PALM2AKAP2: variants seen among roughly 807,000 people sequenced by gnomAD.
PALM2AKAP2 encodes PALM2-AKAP2 fusion protein.
In PALM2AKAP2, 37 loss-of-function variants were observed where a neutral mutation model predicts 71.5. The observed-to-expected ratio is 0.52, with a 90% CI of 0.40 to 0.68. PALM2AKAP2 has a LOEUF of 0.68. Ranked by LOEUF, PALM2AKAP2 falls within the 30% of genes least tolerant of loss-of-function variation. The probability of loss-of-function intolerance (pLI) is 0.00; values close to 1 mark genes in which losing one functional copy is unlikely to be tolerated. For synonymous variants in PALM2AKAP2, 468 were observed against 478.8 expected, an observed-to-expected ratio of 0.98 and a Z score of 0.29; for missense variants, 1,224 against 1,191.8, an observed-to-expected ratio of 1.03 and a Z score of -0.40.
At chr9:109,851,819 G>A (rs148852171) in intron 1 of PALM2AKAP2, among the ~76,000 whole-genome samples, 113 of 152,228 alleles carry the variant, frequency 7.4e-4, no homozygotes, top group African/African-American at 2.2e-3. Context: ...AGTCATTGTC[G>A]GTTTGCTAAC....
intron 1 of PALM2AKAP2, among the ~76,000 whole-genome samples, chr9:109,672,955 T>C (rs1827596589): frequency 6.6e-6 from 1 of 152,120 alleles, no homozygotes; most frequent in Admixed American, 6.5e-5. Flanking sequence ...GATATCCTCC[T>C]TGGTGTTTCT....
chr9:110,040,279 A>G (rs1272912254), intron 7 of PALM2AKAP2, among the ~76,000 whole-genome samples: 1 of 152,224 alleles, frequency 6.6e-6, no homozygotes. Context: ...TTAACACCTT[A>G]TAATCGTAAT....
chr9:110,026,924 T>C (rs1345531996), intron 7 of PALM2AKAP2, among the ~76,000 whole-genome samples: 2 of 152,054 alleles, frequency 1.3e-5, no homozygotes. Flanking sequence ...ACACCTGTAA[T>C]CTCAGCCACT....
intron 1 of PALM2AKAP2, among the ~76,000 whole-genome samples, chr9:109,738,756 G>T (rs147387576): frequency 1.3e-3 from 194 of 152,250 alleles, no homozygotes; most frequent in African/African-American, 2.2e-3. Context: ...TAAATAATTT[G>T]CCCAAATCCA....
intron 1 of PALM2AKAP2, among the ~76,000 whole-genome samples, chr9:109,691,209 A>ACACG (rs1554706584): frequency 3.4e-4 from 52 of 151,998 alleles, no homozygotes; most frequent in African/African-American, 1.1e-3. Context: ...ACACACATGC[A>ACACG]CACACAGCTT....
chr9:109,895,668 T>G (rs1453116580), intron 3 of PALM2AKAP2, among the ~76,000 whole-genome samples: 1 of 152,234 alleles, frequency 6.6e-6, no homozygotes, highest in Non-Finnish European at 1.5e-5. Context: ...GAGTGGCTTT[T>G]CTTTTAGTCA....
chr9:110,038,571 A>G (rs1213544944), intron 7 of PALM2AKAP2, among the ~76,000 whole-genome samples: 2 of 152,054 alleles, frequency 1.3e-5, no homozygotes, highest in African/African-American at 2.4e-5. Flanking sequence ...TGAAAAAAAC[A>G]TCTCTTTTAA....
intron 7 of PALM2AKAP2, among the ~76,000 whole-genome samples, chr9:110,042,533 T>G (rs1328849928): frequency 6.6e-6 from 1 of 152,218 alleles, no homozygotes; most frequent in Non-Finnish European, 1.5e-5. Context: ...TCCGTAAACA[T>G]ACAAATCATC....
At chr9:110,010,116 A>G (rs1832853190) in intron 6 of PALM2AKAP2, among the ~76,000 whole-genome samples, 1 of 152,232 alleles carries the variant, frequency 6.6e-6, no homozygotes, top group South Asian at 2.1e-4. Context: ...AGAGGTCTTT[A>G]TAAAACTGTC....
intron 1 of PALM2AKAP2, among the ~76,000 whole-genome samples, chr9:109,844,930 G>GTGT (rs755750905): frequency 3.1e-4 from 19 of 61,010 alleles, no homozygotes. Flanking sequence ...GCCAGAAAAT[G>GTGT]ATGTGTGTGT....
chr9:109,815,326 G>A (rs1827825357), intron 1 of PALM2AKAP2, among the ~76,000 whole-genome samples: 1 of 152,234 alleles, frequency 6.6e-6, no homozygotes, highest in East Asian at 1.9e-4. Context: ...GAATATACAT[G>A]TGAGATGCCT....
chr9:109,904,078 T>A (rs954754869), intron 3 of PALM2AKAP2, among the ~76,000 whole-genome samples: 2 of 152,212 alleles, frequency 1.3e-5, no homozygotes, highest in Non-Finnish European at 2.9e-5. Flanking sequence ...CTAAATTAAA[T>A]TTTTTTAAAG....
intron 1 of PALM2AKAP2, among the ~76,000 whole-genome samples, chr9:109,721,982 C>G (rs1169773066): frequency 6.6e-6 from 1 of 152,146 alleles, no homozygotes; most frequent in African/African-American, 2.4e-5. Flanking sequence ...AGACTGGAAC[C>G]CAAATTTATT....
At chr9:109,767,292 T>C (rs557969079) in intron 1 of PALM2AKAP2, among the ~76,000 whole-genome samples, 105 of 152,258 alleles carry the variant, frequency 6.9e-4, no homozygotes, top group South Asian at 1.7e-3. Context: ...TGTCCAAACA[T>C]TAGTTCCATC....
At chr9:109,682,756 G>T (rs1002308800) in intron 1 of PALM2AKAP2, among the ~76,000 whole-genome samples, 1 of 152,176 alleles carries the variant, frequency 6.6e-6, no homozygotes, top group African/African-American at 2.4e-5. Flanking sequence ...GAGAGATAAC[G>T]TCGTTGGCGA....
chr9:109,978,070 AG>A (rs1832202483), intron 6 of PALM2AKAP2, among the ~76,000 whole-genome samples: 1 of 152,162 alleles, frequency 6.6e-6, no homozygotes, highest in African/African-American at 2.4e-5. Flanking sequence ...TCTAGAAAAG[AG>A]AGGAAGAGAT....
intron 1 of PALM2AKAP2, among the ~76,000 whole-genome samples, chr9:109,754,449 C>T (rs372854641): frequency 2.0e-5 from 3 of 152,086 alleles, no homozygotes; most frequent in Non-Finnish European, 4.4e-5. Context: ...ACAGATTAAG[C>T]GTAGTATACA....
chr9:109,933,697 A>G (rs1236432486), intron 6 of PALM2AKAP2, among the ~76,000 whole-genome samples: 1 of 152,244 alleles, frequency 6.6e-6, no homozygotes, highest in Non-Finnish European at 1.5e-5. Context: ...CAAAAGTATA[A>G]TGTGATCAGA....
chr9:110,057,351 C>T (rs1271210119), intron 1 of PALM2AKAP2, among the ~76,000 whole-genome samples: 1 of 151,364 alleles, frequency 6.6e-6, no homozygotes, highest in African/African-American at 2.4e-5. Flanking sequence ...AGTTTTCCTA[C>T]CCAGCTCCTT....
Sources: gnomAD v4.1 joint callset for allele counts (sites outside exome capture counted in the v4.1 genomes callset) on GRCh38, gnomAD v4.1.1 for gene constraint, MANE v1.5 for transcripts, NCBI Gene and HGNC (gene_info 2026-07-23, HGNC 2026-07-21) for gene names.